Variants in ODF2L observed in about 807,000 individuals in gnomAD.
ODF2L encodes outer dense fiber of sperm tails 2 like, also known as protein BCAP.
Under a neutral mutation model 86.3 loss-of-function variants are expected in ODF2L, and 76 were observed. That is an observed-to-expected ratio of 0.88 (90% confidence interval 0.73 to 1.07). ODF2L has a LOEUF of 1.07. Among genes scored for constraint, ODF2L ranks in the 50% least tolerant of loss-of-function variants. ODF2L has a pLI of 0.00. For missense variants in ODF2L, 748 were observed against 717.4 expected (o/e 1.04, Z -0.49); for synonymous variants, 241 against 231.3 (o/e 1.04, Z -0.38).
rs529041258 is a variant in ODF2L, at chr1:86,361,760, T to G, written c.1144-1224A>C. ...GACAAAAGACAAATATAAAAAATAA[T>G]GAGTAGGTAATTCAAAAAGGCAGAA... On this transcript the variant is annotated intron_variant, in intron 11 of 17. Coordinates refer to ENST00000317336, the Ensembl canonical transcript of ODF2L. 1.3e-4 allele frequency among the ~76,000 whole-genome samples: 20 copies of G among 152,204 alleles called. No homozygotes were observed. The South Asian group carries it at 4.1e-3, about 32-fold the overall frequency.
chr1:86,366,473 A>C (rs1659443132), intron 11 of ODF2L, among the ~76,000 whole-genome samples: 2 of 149,424 alleles, frequency 1.3e-5, no homozygotes, highest in Admixed American at 1.4e-4. Context: ...CACACAAATT[A>C]GCTATGGGCT....
intron 11 of ODF2L, among the ~76,000 whole-genome samples, chr1:86,363,214 A>T (rs1318861546): frequency 6.6e-6 from 1 of 152,110 alleles, no homozygotes; most frequent in Non-Finnish European, 1.5e-5. Context: ...AAACTGTAGG[A>T]TTTACTATTT....
intron 12 of ODF2L, among the ~76,000 whole-genome samples, chr1:86,359,643 C>T (rs1241376094): frequency 1.3e-5 from 2 of 151,862 alleles, no homozygotes; most frequent in African/African-American, 4.8e-5. Context: ...CCTGCCTCAG[C>T]CTCCTGAATA....
chr1:86,365,238 A>T (rs1659319765), intron 11 of ODF2L, among the ~76,000 whole-genome samples: 1 of 152,218 alleles, frequency 6.6e-6, no homozygotes, highest in African/African-American at 2.4e-5. Context: ...TTAGAAGTAA[A>T]AAAAGTAAAG....
chr1:86,352,177 T>TA (rs1436770997), exon 18 of ODF2L: 24 of 1,521,348 alleles, frequency 1.6e-5, no homozygotes, highest in South Asian at 1.2e-4. Context: ...ACTTGGGAAT[T>TA]AAAAAAATAG....
intron 1 of ODF2L, among the ~76,000 whole-genome samples, chr1:86,394,845 T>TTC (rs1661604260): frequency 6.8e-6 from 1 of 146,430 alleles, no homozygotes; most frequent in African/African-American, 2.5e-5. Flanking sequence ...TTTTCCTTTT[T>TTC]TTTTTTTTTT....
At chr1:86,379,703 G>C (rs544630658) in intron 7 of ODF2L, among the ~76,000 whole-genome samples, 4 of 152,232 alleles carry the variant, frequency 2.6e-5, no homozygotes, top group Non-Finnish European at 5.9e-5. Context: ...CCTGACACTA[G>C]AGTTACATTA....
intron 16 of ODF2L, 143 bp downstream of exon 15, chr1:86,354,387 G>A (rs1486510003): frequency 1.7e-6 from 1 of 574,994 alleles, no homozygotes; most frequent in Non-Finnish European, 3.1e-6. Flanking sequence ...GCTTGAAAAG[G>A]AAGATAGTTA....
chr1:86,352,003 TA>T (rs911437078), exon 18 of ODF2L: 47 of 1,291,468 alleles, frequency 3.6e-5, no homozygotes, highest in East Asian at 1.2e-4. Context: ...AATGGTGAGT[TA>T]AAAAAAAGTT....
intron 17 of ODF2L, chr1:86,352,304 C>T (rs1360518884): frequency 9.7e-6 from 13 of 1,335,182 alleles, no homozygotes; most frequent in Non-Finnish European, 1.2e-5. Flanking sequence ...TCAGAATATT[C>T]TATGCCAATT....
chr1:86,391,029 A>G (rs1466294060), intron 1 of ODF2L, among the ~76,000 whole-genome samples: 1 of 152,244 alleles, frequency 6.6e-6, no homozygotes, highest in East Asian at 1.9e-4. Context: ...GCTATACACC[A>G]ACAGTGACCA....
chr1:86,383,122 GGAAA>G lies in ODF2L; in HGVS notation c.435+8_435+11del. On this transcript the variant is annotated splice_region_variant and intron_variant, in intron 5 of 17. Transcript: ENST00000317336. Reference sequence around the variant, plus strand: ...GGAAGAATGGACACAAAGTAAGTGTGGAAAGACTTACAGTATTTTCACTTTCATT... The same window carrying G: ...GGAAGAATGGACACAAAGTAAGTGTGGACTTACAGTATTTTCACTTTCATT... 1.3e-6 allele frequency: 2 copies of G among 1,521,420 alleles called. No individual in the cohort carries two copies. Among genetic ancestry groups the G allele is most frequent in the Non-Finnish European group, 1.8e-6 (2 of 1,103,832 alleles). The allele number at this position is 1,521,420 out of a possible 1,614,324, so 94.2% of individuals were successfully genotyped here. A position where few individuals can be genotyped will look rare whatever the true frequency, so the allele number is the denominator to read the frequency against.
exon 2 of ODF2L, chr1:86,387,085 A>G: frequency 1.3e-6 from 1 of 762,942 alleles, no homozygotes; most frequent in South Asian, 1.9e-5. Context: ...ATAAGCTGAA[A>G]GCTAGGAAAT....
chr1:86,352,010 A>G (rs1658171729), exon 18 of ODF2L: 1 of 1,294,958 alleles, frequency 7.7e-7, no homozygotes, highest in Non-Finnish European at 9.8e-7. Context: ...AGTTAAAAAA[A>G]AGTTTAGAAA....
rs540101456 is a variant in ODF2L at position 86,382,127 on chromosome 1, A to G, written c.624+115T>C. ...GATTTACCTTAAATATGTATTTCCC[A>G]TGTCAACAACTGTGTATTTTAAAAC... On this transcript the variant is annotated intron_variant, in intron 7 of 17. Coordinates refer to ENST00000317336, the Ensembl canonical transcript of ODF2L. The G allele has an allele frequency of 4.1e-5, 53 of 1,287,954 alleles. 2 individuals are homozygous for G. The African/African-American group carries it at 4.6e-4, about 11-fold the overall frequency. The allele number at this position is 1,287,954 out of a possible 1,614,324, so 79.8% of individuals were successfully genotyped here. A position where few individuals can be genotyped will look rare whatever the true frequency, so the allele number is the denominator to read the frequency against.
intron 11 of ODF2L, among the ~76,000 whole-genome samples, chr1:86,368,454 T>C (rs1337518618): frequency 6.6e-6 from 1 of 152,096 alleles, no homozygotes; most frequent in Non-Finnish European, 1.5e-5. Flanking sequence ...CAGATAACTA[T>C]CAGAAGAATA....
At chr1:86,388,413 T>C (rs1259776254) in intron 1 of ODF2L, among the ~76,000 whole-genome samples, 2 of 152,076 alleles carry the variant, frequency 1.3e-5, no homozygotes, top group African/African-American at 4.8e-5. Context: ...CTTGTTTAAA[T>C]ATTTGTCATA....
exon 8 of ODF2L, chr1:86,376,371 A>T: frequency 6.2e-7 from 1 of 1,608,620 alleles, no homozygotes; most frequent in Non-Finnish European, 8.5e-7. Flanking sequence ...CCTCATTCTT[A>T]TTCATTCTTG....
At chr1:86,363,753 AT>A (rs1160376248) in intron 11 of ODF2L, among the ~76,000 whole-genome samples, 2 of 151,962 alleles carry the variant, frequency 1.3e-5, no homozygotes, top group South Asian at 4.1e-4. Flanking sequence ...GGTGATTTAA[AT>A]TTTTTTCCTT....
Sources: allele counts gnomAD v4.1 joint callset (sites outside exome capture counted in the v4.1 genomes callset), GRCh38; gene constraint gnomAD v4.1.1; transcripts MANE v1.5; gene names NCBI Gene and HGNC (gene_info 2026-07-23, HGNC 2026-07-21).